The following CTNNA2 variants were observed in gnomAD, a reference collection of about 807,000 sequenced individuals.
The protein encoded by CTNNA2 is catenin alpha-2.
Under a neutral mutation model 101.0 loss-of-function variants are expected in CTNNA2, and 42 were observed. The ratio of observed to expected loss-of-function variants is 0.42; its 90% CI spans 0.32 to 0.54. CTNNA2 has a LOEUF of 0.54. Among genes scored for constraint, CTNNA2 ranks in the 20% least tolerant of loss-of-function variants. CTNNA2 has a pLI of 0.14. For synonymous variants in CTNNA2, 450 were observed against 456.4 expected (o/e 0.99, Z 0.18); for missense variants, 871 against 1,223.1 (o/e 0.71, Z 4.29).
chr2:80,583,013 G>A (rs936669998), intron 14 of CTNNA2, among the ~76,000 whole-genome samples: 9 of 152,092 alleles, frequency 5.9e-5, no homozygotes, highest in Admixed American at 3.9e-4. Flanking sequence ...TAATAGGAGG[G>A]ATGTGAAGGT....
At chr2:79,496,788 G>T (rs1348349906) in intron 4 of CTNNA2, among the ~76,000 whole-genome samples, 1 of 151,584 alleles carries the variant, frequency 6.6e-6, no homozygotes, top group Non-Finnish European at 1.5e-5. Context: ...TATTAAAATG[G>T]TTCAAGTTCT....
At chr2:80,613,360 G>T (rs1698612085) in intron 17 of CTNNA2, among the ~76,000 whole-genome samples, 1 of 151,304 alleles carries the variant, frequency 6.6e-6, no homozygotes, top group Non-Finnish European at 1.5e-5. Context: ...CCCCCAGAGT[G>T]TTAAAAGTGA....
At chr2:80,285,115 C>T (rs1674655929) in intron 7 of CTNNA2, among the ~76,000 whole-genome samples, 1 of 152,082 alleles carries the variant, frequency 6.6e-6, no homozygotes, top group Non-Finnish European at 1.5e-5. Context: ...TCCAGCTGGT[C>T]AGCCATGACC....
chr2:79,287,172 A>G (rs971682361), intron 2 of CTNNA2, among the ~76,000 whole-genome samples: 4 of 151,916 alleles, frequency 2.6e-5, no homozygotes, highest in Admixed American at 2.6e-4. Context: ...TTTTTTTCAA[A>G]GTTTTCAACT....
chr2:80,550,261 C>G lies in CTNNA2; in HGVS notation c.1540+4198C>G, dbSNP rs58907097. ...ACCTTTATTTAGAAATACTTCATTT[C>G]TAAAAAATGCTAAAGATCATTCTGA... On this transcript the variant is annotated intron_variant, in intron 11 of 18. Transcript: ENST00000402739. 2.0e-5 allele frequency among the ~76,000 whole-genome samples: 3 copies of G among 152,208 alleles called. No individual in the cohort carries two copies. In the East Asian group the frequency reaches 5.8e-4, roughly 29 times the overall value.
At chr2:80,611,009 T>G (rs899080534) in intron 17 of CTNNA2, among the ~76,000 whole-genome samples, 5 of 94,526 alleles carry the variant, frequency 5.3e-5, no homozygotes, top group Non-Finnish European at 9.6e-5. Context: ...CAATTAGGTT[T>G]TTTTTTTTGT....
chr2:80,530,802 C>T (rs945216005), intron 9 of CTNNA2, among the ~76,000 whole-genome samples: 1 of 152,144 alleles, frequency 6.6e-6, no homozygotes, highest in African/African-American at 2.4e-5. Context: ...TGGCCTACCA[C>T]CTGGTCTGGG....
intron 2 of CTNNA2, among the ~76,000 whole-genome samples, chr2:79,254,389 A>T (rs1043196579): frequency 7.9e-5 from 12 of 152,166 alleles, no homozygotes; most frequent in Admixed American, 2.0e-4. Flanking sequence ...GTTTAGCACC[A>T]TCCTTTCCTG....
chr2:79,323,853 A>G (rs922478169), intron 3 of CTNNA2, among the ~76,000 whole-genome samples: 3 of 152,148 alleles, frequency 2.0e-5, no homozygotes, highest in Non-Finnish European at 4.4e-5. Context: ...CTTCTTACCT[A>G]TGGCCATTGT....
chr2:79,737,159 C>A (rs1210760864), intron 2 of CTNNA2, among the ~76,000 whole-genome samples: 3 of 152,048 alleles, frequency 2.0e-5, no homozygotes, highest in African/African-American at 7.2e-5. Context: ...ACCAGCCTGG[C>A]CAACATGGCG....
intron 9 of CTNNA2, among the ~76,000 whole-genome samples, chr2:80,527,718 G>A (rs1016080937): frequency 6.6e-6 from 1 of 152,076 alleles, no homozygotes; most frequent in South Asian, 2.1e-4. Context: ...CCTCTATAAA[G>A]GAGAAAGCAA....
chr2:80,245,822 T>TTTTTTTTTTTTTTG lies in CTNNA2; in HGVS notation c.1057-147388_1057-147387insTTTTTTTTTTTTGT, dbSNP rs1558937542. Among the ~76,000 whole-genome samples the TTTTTTTTTTTTTTG allele has an allele frequency of 1.5e-5, 2 of 135,548 alleles. 1 individual carries two copies. Among genetic ancestry groups the TTTTTTTTTTTTTTG allele is most frequent in the African/African-American group, 5.8e-5 (2 of 34,726 alleles). 88.9% of individuals were successfully genotyped at this position (135,548 alleles called of 152,430 possible). A position where few individuals can be genotyped will look rare whatever the true frequency, so the allele number is the denominator to read the frequency against. On this transcript the variant is annotated intron_variant, in intron 7 of 18. Coordinates refer to ENST00000402739, the MANE Select transcript of CTNNA2 (RefSeq NM_001282597.3). ...TTTTTTTTTTTTTTTTTTTTTTTTT[T>TTTTTTTTTTTTTTG]TGCACTCTGTAGCCCAGGCTGGAGT...
chr2:79,390,348 T>C (rs1678158476), intron 4 of CTNNA2, among the ~76,000 whole-genome samples: 1 of 152,224 alleles, frequency 6.6e-6, no homozygotes, highest in Admixed American at 6.5e-5. Flanking sequence ...CATCTACTCT[T>C]TGTGACATAT....
intron 1 of CTNNA2, among the ~76,000 whole-genome samples, chr2:79,190,349 C>T (rs1459938607): frequency 2.1e-4 from 32 of 151,944 alleles, no homozygotes; most frequent in Admixed American, 1.8e-3. Flanking sequence ...CTTCTCTCTG[C>T]GATTTTGTTT....
intron 3 of CTNNA2, among the ~76,000 whole-genome samples, chr2:79,814,608 TACACACACACAC>T (rs146240455): frequency 3.1e-4 from 45 of 145,194 alleles, no homozygotes; most frequent in African/African-American, 1.1e-3. Flanking sequence ...TATGTGTGTA[TACACACACACAC>T]ACACACACAC....
chr2:80,392,193 A>G (rs951609895), intron 7 of CTNNA2, among the ~76,000 whole-genome samples: 3 of 152,196 alleles, frequency 2.0e-5, no homozygotes, highest in Non-Finnish European at 2.9e-5. Context: ...GGCACAACTT[A>G]AGATCTGGGA....
intron 15 of CTNNA2, among the ~76,000 whole-genome samples, chr2:80,595,545 A>G (rs1473996959): frequency 1.3e-5 from 2 of 152,142 alleles, no homozygotes; most frequent in African/African-American, 4.8e-5. Context: ...CCTTGCTTTG[A>G]TCCTGGTCTT....
chr2:79,213,935 C>T (rs919027806), intron 2 of CTNNA2, among the ~76,000 whole-genome samples: 2 of 152,160 alleles, frequency 1.3e-5, no homozygotes, highest in African/African-American at 2.4e-5. Context: ...CCGCTGCACG[C>T]AGACATGAGG....
intron 5 of CTNNA2, among the ~76,000 whole-genome samples, chr2:79,505,390 T>A (rs1671390735): frequency 6.6e-6 from 1 of 152,206 alleles, no homozygotes; most frequent in Non-Finnish European, 1.5e-5. Flanking sequence ...GATACAGTCA[T>A]AAAACGACTG....
Sources: gnomAD v4.1 joint callset for allele counts (sites outside exome capture counted in the v4.1 genomes callset) on GRCh38, gnomAD v4.1.1 for gene constraint, MANE v1.5 for transcripts, NCBI Gene and HGNC (gene_info 2026-07-23, HGNC 2026-07-21) for gene names.